LRBA: variants seen among roughly 807,000 people sequenced by gnomAD.
LRBA encodes the protein lipopolysaccharide-responsive and beige-like anchor protein.
Under a neutral mutation model 330.0 loss-of-function variants are expected in LRBA, and 176 were observed. The observed-to-expected ratio is 0.53, with a 90% CI of 0.47 to 0.60. The LOEUF (loss-of-function observed/expected upper bound fraction) is 0.60. LRBA is among the 20% of genes least tolerant of loss of function. LRBA has a pLI of 0.00. For synonymous variants in LRBA, 1,230 were observed against 1,193.0 expected (o/e 1.03, Z -0.64); for missense variants, 3,259 against 3,444.8 (o/e 0.95, Z 1.35).
chr4:150,788,617 G>A (rs935383286), intron 34 of LRBA, among the ~76,000 whole-genome samples: 12 of 148,852 alleles, frequency 8.1e-5, no homozygotes, highest in Middle Eastern at 3.9e-3. Flanking sequence ...AAAATTAGCC[G>A]GGCATGATGG....
At chr4:150,964,806 C>G (rs1738699005) in intron 2 of LRBA, among the ~76,000 whole-genome samples, 1 of 151,590 alleles carries the variant, frequency 6.6e-6, no homozygotes, top group South Asian at 2.1e-4. Flanking sequence ...GAGAAACACC[C>G]AAGAATGATC....
chr4:150,713,282 T>A (rs1582123102), intron 36 of LRBA, among the ~76,000 whole-genome samples: 1 of 152,214 alleles, frequency 6.6e-6, no homozygotes, highest in East Asian at 1.9e-4. Flanking sequence ...TATGATCATC[T>A]GTACCATAAA....
intron 38 of LRBA, among the ~76,000 whole-genome samples, chr4:150,596,647 G>A (rs960345852): frequency 2.0e-5 from 3 of 151,786 alleles, no homozygotes; most frequent in Non-Finnish European, 3.0e-5. Context: ...TAACAATTTT[G>A]TTTTGCATAC....
chr4:150,998,588 C>T (rs555271376), intron 2 of LRBA, among the ~76,000 whole-genome samples: 1 of 152,192 alleles, frequency 6.6e-6, no homozygotes, highest in Admixed American at 6.5e-5. Context: ...CTCCTGGCCT[C>T]AAGCAGTCCT....
chr4:150,350,217 G>C (rs1736950850), intron 47 of LRBA, 58 bp from the exon 48 acceptor site: 48 of 1,249,922 alleles, frequency 3.8e-5, no homozygotes, highest in Admixed American at 5.1e-5. Context: ...AATATAGAGA[G>C]ACATTTAGAG....
At chr4:150,684,069 GA>G (rs1783296391) in intron 36 of LRBA, 1 of 168,956 alleles carries the variant, frequency 5.9e-6, no homozygotes, top group Admixed American at 6.2e-5. Flanking sequence ...TAATGGTTAA[GA>G]AATAATTTTC....
chr4:150,283,266 C>A (rs1216381393), intron 54 of LRBA, among the ~76,000 whole-genome samples: 1 of 152,180 alleles, frequency 6.6e-6, no homozygotes, highest in Non-Finnish European at 1.5e-5. Context: ...CACCTCCCTG[C>A]TGCCTTCACA....
chr4:150,920,266 G>A (rs1733097933), intron 5 of LRBA, among the ~76,000 whole-genome samples: 1 of 152,046 alleles, frequency 6.6e-6, no homozygotes, highest in Non-Finnish European at 1.5e-5. Context: ...AGTTTGTCTT[G>A]GGCCGGGCGT....
intron 17 of LRBA, among the ~76,000 whole-genome samples, chr4:150,892,296 C>G (rs1385058329): frequency 3.3e-5 from 5 of 152,158 alleles, no homozygotes; most frequent in Non-Finnish European, 5.9e-5. Flanking sequence ...TTTGCATACA[C>G]CCAAAATTCT....
At chr4:150,599,792 T>C (rs186805256) in intron 37 of LRBA, among the ~76,000 whole-genome samples, 2 of 152,302 alleles carry the variant, frequency 1.3e-5, no homozygotes, top group South Asian at 2.1e-4. Context: ...CACAAGAAAA[T>C]GCATTTCTTT....
chr4:150,268,674 G>A (rs113924023), intron 56 of LRBA, among the ~76,000 whole-genome samples: 241 of 152,312 alleles, frequency 1.6e-3, no homozygotes, highest in Non-Finnish European at 2.4e-3. Context: ...CATCTCAACT[G>A]ATGCTGGAAA....
chr4:150,564,690 G>GA lies in LRBA; in HGVS notation c.6330+23357dup, dbSNP rs1254609090. On this transcript the variant is annotated intron_variant, in intron 40 of 56. Coordinates refer to ENST00000651943, the MANE Select transcript of LRBA (RefSeq NM_001364905.1). Reference sequence around the variant, plus strand: ...ACAAAGAACTTAAACAAATTTACGAGAAAAAAACAACCCCATCAAAAAGTG... The same window carrying GA: ...ACAAAGAACTTAAACAAATTTACGAGAAAAAAAACAACCCCATCAAAAAGTG... 4.6e-5 allele frequency among the ~76,000 whole-genome samples: 7 copies of GA among 151,720 alleles called. 1 individual carries two copies. In the South Asian group the frequency reaches 1.5e-3, roughly 32 times the overall value.
intron 47 of LRBA, among the ~76,000 whole-genome samples, chr4:150,358,918 A>G (rs576715006): frequency 6.6e-6 from 1 of 152,284 alleles, no homozygotes; most frequent in South Asian, 2.1e-4. Context: ...TCCCATGAGG[A>G]CTCCAGACAA....
chr4:150,689,356 G>A (rs1783912063), intron 36 of LRBA, among the ~76,000 whole-genome samples: 1 of 152,036 alleles, frequency 6.6e-6, no homozygotes, highest in Non-Finnish European at 1.5e-5. Flanking sequence ...AATACCTAAT[G>A]CAGATGACAG....
chr4:150,928,790 A>T (rs1466865829), intron 3 of LRBA, 44 bp downstream of exon 3: 1 of 1,492,100 alleles, frequency 6.7e-7, no homozygotes. Context: ...TTGAAAATCA[A>T]ACTTTATTTC....
chr4:150,391,553 T>C (rs1207058428), intron 47 of LRBA, among the ~76,000 whole-genome samples: 1 of 152,160 alleles, frequency 6.6e-6, no homozygotes, highest in Non-Finnish European at 1.5e-5. Flanking sequence ...ACATATTTGA[T>C]TCAACAAACT....
intron 14 of LRBA, 32 bp downstream of exon 14, chr4:150,900,017 T>C: frequency 6.6e-7 from 1 of 1,511,540 alleles, no homozygotes; most frequent in South Asian, 1.2e-5. Context: ...TTTGCATTTG[T>C]GTAAAGTAAT....
intron 47 of LRBA, among the ~76,000 whole-genome samples, chr4:150,395,804 C>T (rs1411717714): frequency 6.6e-6 from 1 of 152,104 alleles, no homozygotes; most frequent in East Asian, 1.9e-4. Context: ...TTTCATATGG[C>T]ACTTGTCAAA....
chr4:150,901,446 T>C (rs1410241321), intron 13 of LRBA, among the ~76,000 whole-genome samples: 1 of 152,234 alleles, frequency 6.6e-6, no homozygotes, highest in Non-Finnish European at 1.5e-5. Context: ...TTTTATAAGC[T>C]GAACAACTGT....
Sources: gnomAD v4.1 joint callset for allele counts (sites outside exome capture counted in the v4.1 genomes callset) on GRCh38, gnomAD v4.1.1 for gene constraint, MANE v1.5 for transcripts, NCBI Gene and HGNC (gene_info 2026-07-23, HGNC 2026-07-21) for gene names.